The following LRP5 variants were observed in gnomAD, a reference collection of about 807,000 sequenced individuals.
LRP5 encodes the protein LDL receptor related protein 5, also known as low-density lipoprotein receptor-related protein 5.
In LRP5, 62 loss-of-function variants were observed where a neutral mutation model predicts 154.1. That is an observed-to-expected ratio of 0.40 (90% confidence interval 0.33 to 0.50). The LOEUF is 0.50. Ranked by LOEUF, LRP5 falls within the 20% of genes least tolerant of loss-of-function variation. LRP5 has a pLI of 0.55. For missense variants in LRP5, 1,915 were observed against 2,336.7 expected (o/e 0.82, Z 3.72); for synonymous variants, 966 against 1,011.5 (o/e 0.96, Z 0.85).
rs1291852793 is a variant in LRP5 at position 68,411,594 on chromosome 11, A to G, written c.2477A>G (p.Asn826Ser). Residue 826 changes from asparagine to serine, a missense_variant, in exon 11 of 23, where the codon AAC becomes AGC. Transcript: ENST00000294304. Reference protein sequence around the residue: ...QRLYWTDLDTNMIESSNMLGQ... With the variant: ...QRLYWTDLDTSMIESSNMLGQ... ...CTCTACTGGACCGACCTGGACACCA[A>G]CATGATCGAGTCGTCCAACATGCTG... is the stretch of plus-strand genomic sequence containing the variant. The G allele has an allele frequency of 1.2e-6, 2 of 1,612,828 alleles. No homozygotes were observed. The highest frequency in any genetic ancestry group is 1.7e-6 in the Non-Finnish European group (2 of 1,179,762).
intron 10 of LRP5, among the ~76,000 whole-genome samples, chr11:68,410,385 G>A (rs995015559): frequency 4.6e-5 from 7 of 152,180 alleles, no homozygotes; most frequent in South Asian, 2.1e-4. Context: ...CCGTCTCACC[G>A]AAGTGTCCAT....
chr11:68,441,857 C>A (rs2098678367), intron 21 of LRP5, among the ~76,000 whole-genome samples: 1 of 152,218 alleles, frequency 6.6e-6, no homozygotes, highest in Admixed American at 6.5e-5. Context: ...GAACATTTTC[C>A]TGCCCCTAAA....
At chr11:68,330,928 C>T (rs552441393) in intron 1 of LRP5, among the ~76,000 whole-genome samples, 5 of 152,240 alleles carry the variant, frequency 3.3e-5, no homozygotes, top group African/African-American at 7.2e-5. Context: ...CGTTCTCTGC[C>T]CAGTGCCTCC....
intron 21 of LRP5, among the ~76,000 whole-genome samples, chr11:68,444,344 A>C (rs1258997821): frequency 6.6e-6 from 1 of 151,990 alleles, no homozygotes; most frequent in Non-Finnish European, 1.5e-5. Context: ...GTGAAACCCC[A>C]TCTCTACTAA....
In LRP5 at chr11:68,416,400, C is replaced by T. The variant is rs780789533; in HGVS notation, c.2900C>T (p.Pro967Leu). 7.4e-6 allele frequency: 12 copies of T among 1,614,166 alleles called. No individual in the cohort carries two copies. The highest frequency in any genetic ancestry group is 1.3e-5 in the African/African-American group (1 of 75,052). Reference sequence around the variant, plus strand: ...ATGATCCCGGACGACCAGCACAGCCCGGATCTCATCCTGCCCCTGCATGGA... The same window carrying T: ...ATGATCCCGGACGACCAGCACAGCCTGGATCTCATCCTGCCCCTGCATGGA... ...SRMIPDDQHS[P>L]DLILPLHGLR... Residue 967 changes from proline (P) to leucine (L), a missense_variant, in exon 13 of 23, where the codon CCG becomes CTG. Transcript: ENST00000294304.
intron 7 of LRP5, among the ~76,000 whole-genome samples, chr11:68,400,615 C>T (rs1337880914): frequency 6.6e-6 from 1 of 152,016 alleles, no homozygotes; most frequent in Non-Finnish European, 1.5e-5. Flanking sequence ...TGGCGCCTGC[C>T]TATAATCCCA....
Position 68,416,337 on chromosome 11 carries a change from C to T in LRP5, c.2837C>T (p.Thr946Ile), listed in dbSNP as rs201639368. 6.2e-7 allele frequency: 1 copy of T among 1,614,062 alleles called. No individual in the cohort carries two copies. Among genetic ancestry groups the T allele is most frequent in the East Asian group, 2.2e-5 (1 of 44,880 alleles). ...PSSRNCSPPT[T>I]FLLFSQKSAI... ...TCTTTGCCTCCTCTAGCGCCCACCACCTTCTTGCTGTTCAGCCAGAAATCT... is the reference window on the plus strand; with the variant it reads ...TCTTTGCCTCCTCTAGCGCCCACCATCTTCTTGCTGTTCAGCCAGAAATCT... The change falls in exon 13 of 23, where the codon ACC (threonine) becomes ATC (isoleucine). Residue 946 changes from threonine (T) to isoleucine (I), a missense_variant. Physicochemically the swap from Thr to Ile is moderately conservative, Grantham distance 89 (BLOSUM62 -1). Around this residue, in one of 3 missense-constraint regions of LRP5, gnomAD observed 1,094 missense variants for 1,210.1 expected, o/e 0.90. Coordinates refer to ENST00000294304, the MANE Select transcript of LRP5 (RefSeq NM_002335.4).
chr11:68,413,754 T>G lies in LRP5; in HGVS notation c.2569T>G (p.Tyr857Asp), dbSNP rs2098660885. 3.7e-6 allele frequency: 6 copies of G among 1,613,686 alleles called. No individual in the cohort carries two copies. Among genetic ancestry groups the G allele is most frequent in the Non-Finnish European group, 5.1e-6 (6 of 1,179,850 alleles). ...GTTCGGTCTGACGCAGTACAGCGAT[T>G]ATATCTACTGGACAGACTGGAATCT... ...HPFGLTQYSD[Y>D]IYWTDWNLHS... Residue 857 changes from tyrosine to aspartate, a missense_variant, in exon 12 of 23, where the codon TAT (tyrosine) becomes GAT (aspartate). Physicochemically the swap from Tyr to Asp is radical, Grantham distance 160. Coordinates refer to ENST00000294304, the MANE Select transcript of LRP5 (RefSeq NM_002335.4). This position sits in a 1 kb window ranked among gnomAD's most constrained non-coding sequence, Gnocchi z 5.1.
intron 14 of LRP5, among the ~76,000 whole-genome samples, chr11:68,424,462 C>T (rs1299264824): frequency 2.0e-5 from 3 of 152,116 alleles, no homozygotes; most frequent in Admixed American, 1.3e-4. Context: ...ACGGGGGGCT[C>T]GGTGGGCGGA....
intron 2 of LRP5, among the ~76,000 whole-genome samples, chr11:68,351,263 C>T (rs576679854): frequency 3.9e-5 from 6 of 152,176 alleles, no homozygotes; most frequent in South Asian, 4.2e-4. Context: ...CGTATGCCCT[C>T]GCTGCCCTCC....
chr11:68,361,077 G>A (rs1478867402), intron 3 of LRP5, among the ~76,000 whole-genome samples: 14 of 148,774 alleles, frequency 9.4e-5, no homozygotes, highest in Admixed American at 5.4e-4. Context: ...AGGCTGAGAC[G>A]GGCGGATCAC....
chr11:68,405,850 G>A (rs192817913), intron 8 of LRP5, among the ~76,000 whole-genome samples: 6 of 152,364 alleles, frequency 3.9e-5, no homozygotes, highest in Admixed American at 3.9e-4. Flanking sequence ...GGGAATGTCT[G>A]TGAATCGGAG....
chr11:68,438,053 C>T lies in LRP5; in HGVS notation c.4112-393C>T, dbSNP rs1001707515. 3.3e-5 allele frequency among the ~76,000 whole-genome samples: 5 copies of T among 152,226 alleles called. No individual in the cohort carries two copies. The East Asian group carries it at 5.8e-4, about 18-fold the overall frequency. ...CCCACCCAGCCGACCCTGCCCCTCCCGTGGCTGGTGGGCGGCACCAGGGGC... is the reference window on the plus strand; with the variant it reads ...CCCACCCAGCCGACCCTGCCCCTCCTGTGGCTGGTGGGCGGCACCAGGGGC... On this transcript the variant is annotated intron_variant, in intron 19 of 22. Coordinates refer to ENST00000294304, the MANE Select transcript of LRP5 (RefSeq NM_002335.4).
At chr11:68,366,070 G>C (rs1387433177) in intron 5 of LRP5, among the ~76,000 whole-genome samples, 1 of 152,082 alleles carries the variant, frequency 6.6e-6, no homozygotes, top group African/African-American at 2.4e-5. Flanking sequence ...GGTTCGGGGC[G>C]GGCCCTTCGG....
chr11:68,380,470 A>T (rs1591254375), intron 5 of LRP5, among the ~76,000 whole-genome samples: 1 of 151,956 alleles, frequency 6.6e-6, no homozygotes, highest in Non-Finnish European at 1.5e-5. Context: ...GTGCTTGCCG[A>T]CCTCTGTCCG....
chr11:68,352,315 G>T (rs1359688440), intron 2 of LRP5, among the ~76,000 whole-genome samples: 1 of 152,212 alleles, frequency 6.6e-6, no homozygotes, highest in Non-Finnish European at 1.5e-5. Context: ...GTGCCACTCT[G>T]TGCCTCAGTA....
intron 2 of LRP5, among the ~76,000 whole-genome samples, chr11:68,355,107 G>A (rs1332533712): frequency 6.6e-6 from 1 of 152,202 alleles, no homozygotes; most frequent in Non-Finnish European, 1.5e-5. Context: ...ATGGCCCCCT[G>A]GATGGGGTGG....
At chr11:68,350,421 C>T (rs189538884) in intron 2 of LRP5, among the ~76,000 whole-genome samples, 7 of 152,354 alleles carry the variant, frequency 4.6e-5, no homozygotes, top group African/African-American at 1.4e-4. Context: ...TGCCCTCCTC[C>T]CTGAAGTCAG....
chr11:68,390,145 C>T, intron 7 of LRP5, 93 bp downstream of exon 7: 1 of 1,453,258 alleles, frequency 6.9e-7, no homozygotes. Flanking sequence ...CGATGGGTGC[C>T]TGTGCTCTGC....
Sources: gnomAD v4.1 joint callset for allele counts (sites outside exome capture counted in the v4.1 genomes callset) on GRCh38, gnomAD v4.1.1 for gene constraint, gnomAD v4.1.1 regional missense constraint, Gnocchi (gnomAD v3.1) non-coding constraint, MANE v1.5 for transcripts, NCBI Gene and HGNC (gene_info 2026-07-23, HGNC 2026-07-21) for gene names.